CHD9: variants seen among roughly 807,000 people sequenced by gnomAD.
CHD9 encodes the protein chromodomain helicase DNA binding protein 9.
A neutral mutation model predicts 316.1 loss-of-function variants in CHD9; 77 were observed. The ratio of observed to expected loss-of-function variants is 0.24; its 90% CI spans 0.20 to 0.29. The LOEUF is 0.29. CHD9 is among the 10% of genes least tolerant of loss of function. The probability of loss-of-function intolerance (pLI) is 1.00; values close to 1 mark genes in which losing one functional copy is unlikely to be tolerated. For missense variants in CHD9, 2,763 were observed against 3,438.1 expected, an observed-to-expected ratio of 0.80 and a Z score of 4.91; for synonymous variants, 1,129 against 1,158.3, an observed-to-expected ratio of 0.97 and a Z score of 0.51.
chr16:53,227,271 T>A, intron 5 of CHD9, 125 bp from the exon 6 acceptor site: 1 of 604,976 alleles, frequency 1.7e-6, no homozygotes, highest in South Asian at 2.1e-5. Flanking sequence ...ACACGTAACA[T>A]AGTGTCTAGC....
chr16:53,287,697 G>A (rs113862798), intron 26 of CHD9, among the ~76,000 whole-genome samples: 4,929 of 152,166 alleles, frequency 0.032, 98 homozygotes, highest in Middle Eastern at 0.071. Flanking sequence ...ACCGCACTCC[G>A]GCCTGGGCGA....
intron 1 of CHD9, among the ~76,000 whole-genome samples, chr16:53,149,026 A>G (rs1361576339): frequency 1.3e-5 from 2 of 151,946 alleles, no homozygotes; most frequent in African/African-American, 2.4e-5. Context: ...AGACCCATTG[A>G]TTGTGTGCTA....
At chr16:53,119,379 A>AC (rs1309546800) in intron 1 of CHD9, among the ~76,000 whole-genome samples, 2 of 152,138 alleles carry the variant, frequency 1.3e-5, no homozygotes, top group African/African-American at 2.4e-5. Flanking sequence ...TATTTAAAAA[A>AC]AAAACAAAAC....
intron 3 of CHD9, among the ~76,000 whole-genome samples, chr16:53,210,646 A>C (rs2046258520): frequency 6.6e-6 from 1 of 152,056 alleles, no homozygotes; most frequent in South Asian, 2.1e-4. Flanking sequence ...TTTGACATAA[A>C]GGGGTCAATC....
intron 22 of CHD9, among the ~76,000 whole-genome samples, chr16:53,268,860 T>C (rs1292110564): frequency 6.6e-6 from 1 of 152,208 alleles, no homozygotes; most frequent in Non-Finnish European, 1.5e-5. Context: ...TAGAGTACAG[T>C]GATGCAAACA....
chr16:53,215,916 A>G (rs1278299221), intron 3 of CHD9, among the ~76,000 whole-genome samples: 2 of 152,226 alleles, frequency 1.3e-5, no homozygotes, highest in Non-Finnish European at 2.9e-5. Flanking sequence ...TTACATTTCA[A>G]ATTCATACTT....
intron 1 of CHD9, among the ~76,000 whole-genome samples, chr16:53,135,879 GATTAT>G (rs1386188278): frequency 2.0e-5 from 3 of 152,134 alleles, no homozygotes; most frequent in African/African-American, 7.2e-5. Context: ...TTTCATAATG[GATTAT>G]ATTAAATATG....
chr16:53,210,749 G>A (rs1299631588), intron 3 of CHD9, among the ~76,000 whole-genome samples: 1 of 151,976 alleles, frequency 6.6e-6, no homozygotes, highest in Non-Finnish European at 1.5e-5. Context: ...ATATTATATA[G>A]ATATTTAGAA....
At chr16:53,097,373 TTCCTTCCTTCCTTCC>T (rs2036469394) in intron 1 of CHD9, among the ~76,000 whole-genome samples, 1 of 151,302 alleles carries the variant, frequency 6.6e-6, no homozygotes, top group African/African-American at 2.4e-5. Context: ...CCTTCCTTCC[TTCCTTCCTTCCTTCC>T]TTCCTTCCTT....
At position 53,308,845 on chromosome 16, in the gene CHD9, CCAGTATCAGGTGAATATG is replaced by C. The variant is rs2056219066; in HGVS notation, c.7216_7222+11del. The C allele has an allele frequency of 6.2e-7, 1 of 1,612,106 alleles. No homozygotes were observed. The highest frequency in any genetic ancestry group is 1.7e-5 in the Admixed American group (1 of 59,890). On this transcript the variant is annotated splice_donor_variant and splice_donor_5th_base_variant and coding_sequence_variant and intron_variant, in exon 34 of 39. Coordinates refer to ENST00000447540, the MANE Select transcript of CHD9 (RefSeq NM_001308319.2). LOFTEE classifies it high-confidence loss of function. ...CCTCGTCAATTTCCCAAAATCCATA[CCAGTATCAGGTGAATATG>C]CAAGTAATAATTGTCTTACTATGAA...
chr16:53,139,639 G>A (rs1165052760), intron 1 of CHD9, among the ~76,000 whole-genome samples: 1 of 152,146 alleles, frequency 6.6e-6, no homozygotes, highest in Non-Finnish European at 1.5e-5. Context: ...AAGCAGAAAA[G>A]AGGTGCTGGA....
intron 1 of CHD9, among the ~76,000 whole-genome samples, chr16:53,154,677 G>T (rs981635534): frequency 2.0e-5 from 3 of 152,162 alleles, no homozygotes; most frequent in Non-Finnish European, 4.4e-5. Flanking sequence ...TAGGGTTCGG[G>T]CTGCTATGAG....
intron 1 of CHD9, among the ~76,000 whole-genome samples, chr16:53,137,485 AG>A (rs1234242752): frequency 3.3e-5 from 5 of 152,300 alleles, no homozygotes; most frequent in African/African-American, 1.2e-4. Context: ...GTTCAACTTT[AG>A]CAGTAATGCC....
intron 1 of CHD9, among the ~76,000 whole-genome samples, chr16:53,146,419 GTATA>G (rs757165644): frequency 1.0e-4 from 8 of 76,714 alleles, no homozygotes; most frequent in Non-Finnish European, 1.4e-4. Context: ...GTGTGTGTAT[GTATA>G]TATATATATA....
intron 19 of CHD9, among the ~76,000 whole-genome samples, chr16:53,258,826 AAAAG>A (rs2050826882): frequency 1.3e-5 from 2 of 152,138 alleles, no homozygotes; most frequent in Non-Finnish European, 2.9e-5. Context: ...GGGTCCTAGA[AAAAG>A]AAACGTTTCT....
chr16:53,055,474 G>A (rs1374778997), intron 1 of CHD9, among the ~76,000 whole-genome samples: 2 of 147,254 alleles, frequency 1.4e-5, no homozygotes, highest in Admixed American at 6.8e-5. Flanking sequence ...AAAAAATACC[G>A]ATGCCCTAGT....
At chr16:53,270,600 A>T (rs553952628) in intron 22 of CHD9, among the ~76,000 whole-genome samples, 1 of 152,276 alleles carries the variant, frequency 6.6e-6, no homozygotes, top group African/African-American at 2.4e-5. Context: ...GTTGATAATT[A>T]TTGAATGTGG....
At chr16:53,321,084 T>G in intron 37 of CHD9, 1 of 474,896 alleles carries the variant, frequency 2.1e-6, no homozygotes, top group South Asian at 1.7e-5. Context: ...ACAGGCATTA[T>G]GCTAAGGTAC....
intron 2 of CHD9, among the ~76,000 whole-genome samples, chr16:53,164,521 G>A (rs766513869): frequency 2.0e-5 from 3 of 152,110 alleles, no homozygotes; most frequent in Admixed American, 6.5e-5. Flanking sequence ...TGAGGCTGCC[G>A]TGAGCCAGGA....
Sources: allele counts gnomAD v4.1 joint callset (sites outside exome capture counted in the v4.1 genomes callset), GRCh38; gene constraint gnomAD v4.1.1; transcripts MANE v1.5; gene names NCBI Gene and HGNC (gene_info 2026-07-23, HGNC 2026-07-21).